Variants in FAM76A observed in about 807,000 individuals in gnomAD.
FAM76A encodes family with sequence similarity 76 member A, also known as protein FAM76A.
In FAM76A, 32 loss-of-function variants were observed where a neutral mutation model predicts 46.2. The ratio of observed to expected loss-of-function variants is 0.69; its 90% CI spans 0.52 to 0.93. The LOEUF is 0.93. Ranked by LOEUF, FAM76A falls within the 40% of genes least tolerant of loss-of-function variation. FAM76A has a pLI of 0.00. For synonymous variants in FAM76A, 137 were observed against 127.0 expected (o/e 1.08, Z -0.53); for missense variants, 274 against 361.5 (o/e 0.76, Z 1.96).
chr1:27,735,293 T>A (rs1466581606), intron 4 of FAM76A, among the ~76,000 whole-genome samples: 1 of 152,248 alleles, frequency 6.6e-6, no homozygotes, highest in African/African-American at 2.4e-5. Flanking sequence ...ATTGTCTTCA[T>A]AGCATCTCAC....
chr1:27,760,070 G>T, intron 8 of FAM76A: 1 of 445,286 alleles, frequency 2.2e-6, no homozygotes, highest in South Asian at 1.6e-5. Context: ...ACCATGCCCA[G>T]CCTGTAGATA....
intron 7 of FAM76A, among the ~76,000 whole-genome samples, chr1:27,755,578 T>C (rs1482254986): frequency 6.6e-6 from 1 of 152,116 alleles, no homozygotes; most frequent in African/African-American, 2.4e-5. Context: ...CATTTTGTTT[T>C]TTGTTTTGTT....
intron 6 of FAM76A, among the ~76,000 whole-genome samples, chr1:27,750,566 T>C (rs928668167): frequency 2.0e-5 from 3 of 152,244 alleles, no homozygotes; most frequent in Admixed American, 6.5e-5. Context: ...CCTATGGCTT[T>C]AGATTCATTT....
At chr1:27,753,359 T>A (rs2088361259) in intron 6 of FAM76A, among the ~76,000 whole-genome samples, 1 of 152,136 alleles carries the variant, frequency 6.6e-6, no homozygotes. Flanking sequence ...ATTACTCTAG[T>A]TATGGGTTTA....
intron 7 of FAM76A, among the ~76,000 whole-genome samples, chr1:27,758,102 G>A (rs2088445271): frequency 6.6e-6 from 1 of 152,140 alleles, no homozygotes; most frequent in Non-Finnish European, 1.5e-5. Context: ...TTTCTGCCAA[G>A]TTCAGAATGC....
chr1:27,730,058 A>G (rs547672473), intron 2 of FAM76A, among the ~76,000 whole-genome samples: 2 of 152,346 alleles, frequency 1.3e-5, no homozygotes, highest in East Asian at 1.9e-4. Context: ...ATTTAGGTCT[A>G]TGGTCCATCT....
chr1:27,756,257 A>G (rs1476242259), intron 7 of FAM76A, among the ~76,000 whole-genome samples: 4 of 152,124 alleles, frequency 2.6e-5, no homozygotes, highest in Non-Finnish European at 4.4e-5. Flanking sequence ...TTACTAAGTG[A>G]CCCATCTTTA....
At chr1:27,740,207 C>T in intron 4 of FAM76A, 1 of 620,746 alleles carries the variant, frequency 1.6e-6, no homozygotes, top group Non-Finnish European at 3.0e-6. Context: ...TAGCAGAAGC[C>T]AGTCAGTACA....
chr1:27,734,063 A>G lies in FAM76A; in HGVS notation c.234A>G (p.Ala78=), dbSNP rs6670793. The G allele has an allele frequency of 0.054, 87,268 of 1,609,970 alleles. 13,298 individuals are homozygous for G. The highest frequency in any genetic ancestry group is 0.53 in the African/African-American group (39,655 of 74,414). Residue 78 remains alanine (A), a synonymous_variant, in exon 4 of 9, where the codon GCA becomes GCG. Transcript: ENST00000373954. ...CTTGTCAGTATTGCAACATAATTGC[A>G]GCATTTATTGGGAATAAATGCCAGC... ...PKPCQYCNII[A]AFIGNKCQRC...
At position 27,726,172 on chromosome 1, in the gene FAM76A, TG is replaced by T. The variant is rs1446401484; in HGVS notation, c.81+15del. The T allele has an allele frequency of 7.8e-7, 1 of 1,275,428 alleles. No homozygotes were observed. Among genetic ancestry groups the T allele is most frequent in the East Asian group, 3.0e-5 (1 of 32,912 alleles). 79.0% of individuals were successfully genotyped at this position (1,275,428 alleles called of 1,614,324 possible). A position where few individuals can be genotyped will look rare whatever the true frequency, so the allele number is the denominator to read the frequency against. ...CAGCAGCTGTGCAAGGTGCGCGGGC[TG>T]GGGCGGCGGCCGGGAACTGGGGACG... On this transcript the variant is annotated intron_variant, in intron 1 of 8. Transcript: ENST00000373954.
chr1:27,727,928 C>T (rs1255438940), intron 2 of FAM76A, among the ~76,000 whole-genome samples: 1 of 150,964 alleles, frequency 6.6e-6, no homozygotes, highest in Non-Finnish European at 1.5e-5. Flanking sequence ...ATGCCTCAGC[C>T]TCCCAAGTAG....
intron 3 of FAM76A, 25 bp from the exon 4 acceptor site, chr1:27,734,006 C>T (rs1265068114): frequency 6.3e-7 from 1 of 1,595,498 alleles, no homozygotes; most frequent in Non-Finnish European, 8.5e-7. Flanking sequence ...GTAATACTTA[C>T]TTGACTCTTT....
intron 6 of FAM76A, among the ~76,000 whole-genome samples, chr1:27,752,365 A>G (rs2088345481): frequency 6.6e-6 from 1 of 152,152 alleles, no homozygotes; most frequent in African/African-American, 2.4e-5. Flanking sequence ...CTGTCTCAAT[A>G]TGTCCTAATT....
At chr1:27,760,336 T>G (rs1214787837) in intron 8 of FAM76A, among the ~76,000 whole-genome samples, 159 bp from the exon 9 acceptor site, 1 of 152,240 alleles carries the variant, frequency 6.6e-6, no homozygotes, top group Non-Finnish European at 1.5e-5. Context: ...GAACCAAGTT[T>G]CAAGCCCTAG....
At chr1:27,755,614 A>G (rs1571499197) in intron 7 of FAM76A, among the ~76,000 whole-genome samples, 1 of 152,074 alleles carries the variant, frequency 6.6e-6, no homozygotes, top group Non-Finnish European at 1.5e-5. Context: ...CAGCTGTGTC[A>G]CCCTGGCTGG....
rs1571459332 is a variant in FAM76A, at chr1:27,725,986, C to G, written c.-95C>G. 9.8e-7 allele frequency: 1 copy of G among 1,025,502 alleles called. No homozygotes were observed. The highest frequency in any genetic ancestry group is 3.4e-5 in the East Asian group (1 of 28,992). The allele number at this position is 1,025,502 out of a possible 1,614,324, so 63.5% of individuals were successfully genotyped here. On this transcript the variant is annotated 5_prime_UTR_variant, in exon 1 of 9. Transcript: ENST00000373954. Reference sequence around the variant, plus strand: ...GCCTGCGCCCGCCCGCCTGCCGCAGCCAGCAGCCTGCAGCCGCCGCCGGGT... The same window carrying G: ...GCCTGCGCCCGCCCGCCTGCCGCAGGCAGCAGCCTGCAGCCGCCGCCGGGT...
intron 4 of FAM76A, among the ~76,000 whole-genome samples, chr1:27,736,442 A>G (rs986264494): frequency 6.6e-6 from 1 of 152,230 alleles, no homozygotes. Flanking sequence ...CAGTTTCCAC[A>G]TCTGTAAAAG....
In FAM76A at chr1:27,762,387, TAATG is replaced by T. The variant is rs1278312994; in HGVS notation, c.*1808_*1811del. ...CAGGGGGTACTAGAGTTAGAAATAA[TAATG>T]AGGGCAGATAACATTTGTACCTCAG... On this transcript the variant is annotated 3_prime_UTR_variant, in exon 9 of 9. Transcript: ENST00000373954. 2 of 152,118 alleles carry T rather than the reference TAATG, an allele frequency of 1.3e-5. No homozygotes were observed. Among genetic ancestry groups the T allele is most frequent in the African/African-American group, 4.8e-5 (2 of 41,428 alleles). The allele number at this position is 152,118 out of a possible 1,614,324, so 9.4% of individuals were successfully genotyped here.
intron 5 of FAM76A, among the ~76,000 whole-genome samples, chr1:27,748,120 G>GTTTTT (rs775627660): frequency 9.2e-5 from 10 of 108,332 alleles, no homozygotes; most frequent in Non-Finnish European, 1.1e-4. Context: ...TGTAAAAGAA[G>GTTTTT]TTTTTTTTTT....
Sources: gnomAD v4.1 joint callset for allele counts (sites outside exome capture counted in the v4.1 genomes callset) on GRCh38, gnomAD v4.1.1 for gene constraint, MANE v1.5 for transcripts, NCBI Gene and HGNC (gene_info 2026-07-23, HGNC 2026-07-21) for gene names.